DNASE2B: variants seen among roughly 807,000 people sequenced by gnomAD.
The protein encoded by DNASE2B is deoxyribonuclease 2 beta, also known as deoxyribonuclease-2-beta.
Under a neutral mutation model 46.0 loss-of-function variants are expected in DNASE2B, and 43 were observed. That is an observed-to-expected ratio of 0.94 (90% CI 0.73 to 1.21). The LOEUF is 1.21. DNASE2B is among the 50% of genes most tolerant of loss of function. DNASE2B has a pLI of 0.00. For missense variants in DNASE2B, 395 were observed against 414.4 expected, an observed-to-expected ratio of 0.95 and a Z score of 0.41; for synonymous variants, 156 against 152.5, an observed-to-expected ratio of 1.02 and a Z score of -0.17.
rs1263737083 is a variant in DNASE2B at position 84,414,655 on chromosome 1, T to C, written c.873T>C (p.Ile291=). 2 of 1,613,976 alleles carry C rather than the reference T, an allele frequency of 1.2e-6. No homozygotes were observed. The highest frequency in any genetic ancestry group is 1.7e-6 in the Non-Finnish European group (2 of 1,180,002). ...ACCATGTCTACAATATAAAAGCAATTAAATTATCACGACACTCTTATTTCA... is the reference window on the plus strand; with the variant it reads ...ACCATGTCTACAATATAAAAGCAATCAAATTATCACGACACTCTTATTTCA... The part of the protein sequence containing the change: ...LPYHVYNIKA[I]KLSRHSYFSS... The change falls in exon 6 of 6, where the codon ATT becomes ATC. Residue 291 remains isoleucine, a synonymous_variant. Transcript: ENST00000370665.
At chr1:84,403,650 T>C (rs1680455171) in intron 2 of DNASE2B, among the ~76,000 whole-genome samples, 1 of 152,044 alleles carries the variant, frequency 6.6e-6, no homozygotes, top group African/African-American at 2.4e-5. Flanking sequence ...TGAAAATACA[T>C]AATGAATTCT....
Position 84,414,837 on chromosome 1 carries a change from G to C in DNASE2B, c.1055G>C (p.Gly352Ala), listed in dbSNP as rs1680667709. 1 of 1,614,042 alleles carries C rather than the reference G, an allele frequency of 6.2e-7. No individual in the cohort carries two copies. The highest frequency in any genetic ancestry group is 8.5e-7 in the Non-Finnish European group (1 of 1,179,976). The change falls in exon 6 of 6, where the codon GGA becomes GCA. Residue 352 changes from glycine (G) to alanine (A), a missense_variant. By Grantham distance (60) the Gly-to-Ala change is moderately conservative (BLOSUM62 0). Coordinates refer to ENST00000370665, the MANE Select transcript of DNASE2B (RefSeq NM_021233.3). ...QNWQIYQAFQ[G>A]LVLYYESCK ...TGGCAAATTTACCAAGCATTTCAAGGATTAGTATTATACTATGAAAGCTGT... is the reference window on the plus strand; with the variant it reads ...TGGCAAATTTACCAAGCATTTCAAGCATTAGTATTATACTATGAAAGCTGT...
chr1:84,412,527 G>A lies in DNASE2B; in HGVS notation c.726G>A (p.Lys242=). 1 of 1,610,810 alleles carries A rather than the reference G, an allele frequency of 6.2e-7. No homozygotes were observed. The highest frequency in any genetic ancestry group is 8.5e-7 in the Non-Finnish European group (1 of 1,178,388). ...GACAAAAATTCCTCCATTTTGCAAA[G>A]TCGGATTCTTTTCTTGACGGTATGA... is the stretch of plus-strand genomic sequence containing the variant. ...AQGQKFLHFA[K]SDSFLDDIFA... The change falls in exon 5 of 6, where the codon AAG becomes AAA. Residue 242 remains lysine, a synonymous_variant. Coordinates refer to ENST00000370665, the MANE Select transcript of DNASE2B (RefSeq NM_021233.3).
At chr1:84,405,163 C>T (rs941844094) in intron 2 of DNASE2B, among the ~76,000 whole-genome samples, 2 of 151,912 alleles carry the variant, frequency 1.3e-5, no homozygotes, top group African/African-American at 2.4e-5. Flanking sequence ...TCAAACCATC[C>T]TTTGCTGGTA....
chr1:84,413,794 T>C (rs377540487), intron 5 of DNASE2B, among the ~76,000 whole-genome samples: 5 of 152,344 alleles, frequency 3.3e-5, no homozygotes, highest in South Asian at 4.1e-4. Context: ...AAGTTCAACA[T>C]GCCAAACTCA....
chr1:84,411,494 G>C (rs144722469), intron 4 of DNASE2B, among the ~76,000 whole-genome samples: 1,975 of 149,900 alleles, frequency 0.013, 44 homozygotes, highest in African/African-American at 0.046. Flanking sequence ...CAGAGAGAGA[G>C]AGAGAGAGAG....
intron 3 of DNASE2B, among the ~76,000 whole-genome samples, chr1:84,409,422 T>A (rs536067463): frequency 6.6e-6 from 1 of 152,152 alleles, no homozygotes; most frequent in African/African-American, 2.4e-5. Context: ...AAAATTAATA[T>A]TTGTGGAAAA....
chr1:84,414,380 C>A, intron 5 of DNASE2B, 148 bp from the exon 6 acceptor site: 3 of 648,650 alleles, frequency 4.6e-6, no homozygotes, highest in Non-Finnish European at 7.7e-6. Flanking sequence ...AATGTTTTCT[C>A]ATCCACTATC....
Position 84,398,592 on chromosome 1 carries a change from C to T in DNASE2B, c.28C>T (p.Leu10=). 6.2e-7 allele frequency: 1 copy of T among 1,613,886 alleles called. No individual in the cohort carries two copies. Among genetic ancestry groups the T allele is most frequent in the Non-Finnish European group, 8.5e-7 (1 of 1,179,820 alleles). ...GAAACAGAAAATGATGGCAAGACTG[C>T]TAAGAACATCCTTTGCTTTGCTCTT... MKQKMMARL[L]RTSFALLFLG... Residue 10 remains leucine (L), a synonymous_variant, in exon 1 of 6, where the codon CTA becomes TTA. Transcript: ENST00000370665.
intron 5 of DNASE2B, among the ~76,000 whole-genome samples, chr1:84,413,555 C>A (rs1383687882): frequency 6.6e-6 from 1 of 152,204 alleles, no homozygotes; most frequent in Non-Finnish European, 1.5e-5. Flanking sequence ...GTCTTTCTCC[C>A]ACTTCTAAGT....
chr1:84,408,826 AT>A, intron 3 of DNASE2B, among the ~76,000 whole-genome samples: 1 of 151,620 alleles, frequency 6.6e-6, no homozygotes, highest in Non-Finnish European at 1.5e-5. Context: ...TTATATATAT[AT>A]ATATATATAT....
chr1:84,414,499 C>A, intron 5 of DNASE2B, 29 bp from the exon 6 acceptor site: 2 of 1,552,708 alleles, frequency 1.3e-6, no homozygotes, highest in Admixed American at 1.9e-5. Flanking sequence ...AAATACCAAC[C>A]TCACTATCTT....
intron 2 of DNASE2B, among the ~76,000 whole-genome samples, chr1:84,404,317 C>T (rs1025736341): frequency 6.6e-5 from 10 of 152,184 alleles, no homozygotes; most frequent in African/African-American, 2.4e-4. Flanking sequence ...TATCCACAAT[C>T]TCTTTCATGA....
intron 2 of DNASE2B, 178 bp from the exon 3 acceptor site, chr1:84,408,259 C>T (rs1680525789): frequency 1.9e-6 from 2 of 1,031,150 alleles, no homozygotes; most frequent in South Asian, 6.5e-5. Context: ...ACTTTCTTTC[C>T]CCTGTCTTTC....
At chr1:84,408,829 T>C (rs1397077574) in intron 3 of DNASE2B, among the ~76,000 whole-genome samples, 3 of 151,596 alleles carry the variant, frequency 2.0e-5, no homozygotes, top group African/African-American at 4.8e-5. Flanking sequence ...TATATATATA[T>C]ATATATATGC....
At chr1:84,414,402 G>T in intron 5 of DNASE2B, 126 bp from the exon 6 acceptor site, 2 of 765,560 alleles carry the variant, frequency 2.6e-6, no homozygotes, top group Non-Finnish European at 2.0e-6. Context: ...CAATTATGTT[G>T]TTATTATTGT....
intron 2 of DNASE2B, among the ~76,000 whole-genome samples, chr1:84,407,581 T>C (rs1680512653): frequency 6.6e-6 from 1 of 152,180 alleles, no homozygotes; most frequent in African/African-American, 2.4e-5. Context: ...GGTTATCCTT[T>C]CCTGCTTTTA....
At chr1:84,413,229 A>T (rs991503830) in intron 5 of DNASE2B, among the ~76,000 whole-genome samples, 4 of 152,078 alleles carry the variant, frequency 2.6e-5, no homozygotes, top group Non-Finnish European at 5.9e-5. Context: ...TTATTTTTTT[A>T]AAACTCATCA....
intron 1 of DNASE2B, among the ~76,000 whole-genome samples, chr1:84,400,367 T>A (rs1680383989): frequency 6.6e-6 from 1 of 151,356 alleles, no homozygotes; most frequent in Non-Finnish European, 1.5e-5. Context: ...AGACTCCGTC[T>A]CAAAAAAAAA....
Sources: gnomAD v4.1 joint callset for allele counts (sites outside exome capture counted in the v4.1 genomes callset) on GRCh38, gnomAD v4.1.1 for gene constraint, MANE v1.5 for transcripts, NCBI Gene and HGNC (gene_info 2026-07-23, HGNC 2026-07-21) for gene names.